Variants in DCHS2 observed in about 807,000 individuals in gnomAD.
The protein encoded by DCHS2 is dachsous cadherin-related 2, also known as protocadherin-23.
A neutral mutation model predicts 182.4 loss-of-function variants in DCHS2; 142 were observed. The observed-to-expected ratio is 0.78, with a 90% CI of 0.68 to 0.89. The LOEUF is 0.89. DCHS2 is among the 40% of genes least tolerant of loss of function. DCHS2 has a pLI of 0.00. For missense variants in DCHS2, 4,319 were observed against 4,198.6 expected (o/e 1.03, Z -0.79); for synonymous variants, 1,740 against 1,663.3 (o/e 1.05, Z -1.12).
At chr4:154,476,314 T>C (rs552859972) in intron 1 of DCHS2, among the ~76,000 whole-genome samples, 58 of 152,332 alleles carry the variant, frequency 3.8e-4, no homozygotes, top group African/African-American at 1.3e-3. Flanking sequence ...TCTGCTAATA[T>C]GCAAAATTCA....
chr4:154,384,223 A>C, intron 1 of DCHS2: 2 of 1,322,560 alleles, frequency 1.5e-6, no homozygotes, highest in South Asian at 3.0e-5. Context: ...CCAAGTTCCA[A>C]AGTCTAATGA....
chr4:154,236,384 A>AAAC lies in DCHS2; in HGVS notation c.8265_8267dup (p.Val2755_Phe2756insLeu). On this transcript the variant is annotated inframe_insertion, in exon 20 of 20. Transcript: ENST00000357232. ...GGTCGTTATCATCCAGGACACTGAC[A>AAAC]AACACAACTGCAAAAGAAAAATGTT... 1 of 1,614,094 alleles carries AAAC rather than the reference A, an allele frequency of 6.2e-7. No homozygotes were observed. The highest frequency in any genetic ancestry group is 1.3e-5 in the African/African-American group (1 of 75,054).
At chr4:154,359,713 A>T (rs1730029361) in intron 3 of DCHS2, among the ~76,000 whole-genome samples, 1 of 152,210 alleles carries the variant, frequency 6.6e-6, no homozygotes, top group Admixed American at 6.5e-5. Context: ...CTTAGCGACT[A>T]AGTAGTATTG....
At chr4:154,287,624 G>A (rs949762136) in intron 13 of DCHS2, among the ~76,000 whole-genome samples, 6 of 152,012 alleles carry the variant, frequency 3.9e-5, no homozygotes, top group African/African-American at 1.4e-4. Context: ...GAGATTACAG[G>A]TATGTGCACC....
intron 1 of DCHS2, among the ~76,000 whole-genome samples, chr4:154,432,365 G>A (rs1247728518): frequency 1.3e-5 from 2 of 152,126 alleles, no homozygotes; most frequent in Admixed American, 1.3e-4. Context: ...AAACTCAGTG[G>A]TGTGCTGGTT....
chr4:154,474,981 A>G (rs555044288), intron 1 of DCHS2, among the ~76,000 whole-genome samples: 1 of 152,274 alleles, frequency 6.6e-6, no homozygotes, highest in South Asian at 2.1e-4. Flanking sequence ...TTCCTAAGTT[A>G]TGAACCAGTA....
chr4:154,409,398 G>A (rs1014155803), intron 1 of DCHS2, among the ~76,000 whole-genome samples: 3 of 152,074 alleles, frequency 2.0e-5, no homozygotes, highest in African/African-American at 7.2e-5. Context: ...TGCCTTATTG[G>A]TTCTGGTTCC....
chr4:154,292,552 C>T (rs1015949416), intron 13 of DCHS2, among the ~76,000 whole-genome samples: 3 of 152,212 alleles, frequency 2.0e-5, no homozygotes, highest in Admixed American at 2.0e-4. Context: ...TCCTAAACTA[C>T]TTCAACAGAG....
At chr4:154,253,943 C>T (rs1732519623) in intron 16 of DCHS2, among the ~76,000 whole-genome samples, 1 of 152,138 alleles carries the variant, frequency 6.6e-6, no homozygotes, top group South Asian at 2.1e-4. Flanking sequence ...CTGTGTTTTC[C>T]TTAAACAGGA....
intron 10 of DCHS2, among the ~76,000 whole-genome samples, chr4:154,311,879 G>A (rs750012459): frequency 3.9e-5 from 6 of 152,202 alleles, no homozygotes; most frequent in Non-Finnish European, 8.8e-5. Flanking sequence ...TATATTAAAT[G>A]TATTAAGAAT....
At chr4:154,418,360 A>G (rs1277164693) in intron 1 of DCHS2, among the ~76,000 whole-genome samples, 3 of 152,190 alleles carry the variant, frequency 2.0e-5, no homozygotes, top group Non-Finnish European at 4.4e-5. Flanking sequence ...TAAAAACAGG[A>G]CACTACTTTT....
intron 1 of DCHS2, among the ~76,000 whole-genome samples, chr4:154,454,321 G>A (rs1734670402): frequency 6.6e-6 from 1 of 152,072 alleles, no homozygotes; most frequent in African/African-American, 2.4e-5. Context: ...ATAGCTCACT[G>A]CAGCCTCATA....
At position 154,259,506 on chromosome 4, in the gene DCHS2, A is replaced by C. The variant is rs372080346; in HGVS notation, c.6789+39T>G. ...CTCTCTCACACAGACACACCCACAC[A>C]CACACACACACACACACACACAAAT... On this transcript the variant is annotated intron_variant, in intron 15 of 19. Coordinates refer to ENST00000357232, the MANE Select transcript of DCHS2 (RefSeq NM_001358235.2). 1.8e-4 allele frequency: 269 copies of C among 1,520,686 alleles called. 1 individual carries two copies. The highest frequency in any genetic ancestry group is 7.5e-4 in the South Asian group (59 of 78,614). 94.2% of individuals were successfully genotyped at this position (1,520,686 alleles called of 1,614,324 possible).
At chr4:154,251,101 GA>G (rs1476534623) in intron 16 of DCHS2, among the ~76,000 whole-genome samples, 3 of 152,086 alleles carry the variant, frequency 2.0e-5, no homozygotes, top group Non-Finnish European at 4.4e-5. Context: ...TGTGTATTTT[GA>G]AAAAGATAAT....
chr4:154,413,571 G>C (rs768885153), intron 1 of DCHS2, among the ~76,000 whole-genome samples: 2 of 152,206 alleles, frequency 1.3e-5, no homozygotes, highest in African/African-American at 4.8e-5. Flanking sequence ...TGTCCCAGAA[G>C]GCTGACCTGT....
At chr4:154,478,988 C>CA (rs776182661) in intron 1 of DCHS2, among the ~76,000 whole-genome samples, 53 of 151,838 alleles carry the variant, frequency 3.5e-4, no homozygotes, top group Non-Finnish European at 6.0e-4. Flanking sequence ...ATTTACAAGA[C>CA]AAAAAACAAT....
intron 10 of DCHS2, among the ~76,000 whole-genome samples, chr4:154,309,611 C>T (rs528726879): frequency 7.9e-5 from 12 of 152,268 alleles, no homozygotes; most frequent in African/African-American, 2.9e-4. Context: ...TCTATTCTTC[C>T]TGACTAAACA....
chr4:154,334,927 A>G lies in DCHS2; in HGVS notation c.2654T>C (p.Val885Ala), dbSNP rs779940070. ...ACTATCTTCAGGCACATCTTCATAAACTAAGAAAGTGTACTTAGGCCTTTC... is the reference window on the plus strand; with the variant it reads ...ACTATCTTCAGGCACATCTTCATAAGCTAAGAAAGTGTACTTAGGCCTTTC... The part of the protein sequence containing the change: ...EFERPKYTFL[V>A]YEDVPEDSPI... The change falls in exon 4 of 20, where the codon GTT becomes GCT. Residue 885 changes from valine to alanine, a missense_variant. Val to Ala is a moderately conservative substitution (Grantham distance 64, BLOSUM62 0). Transcript: ENST00000357232. The G allele has an allele frequency of 1.2e-6, 2 of 1,614,196 alleles. No homozygotes were observed. The highest frequency in any genetic ancestry group is 2.2e-5 in the South Asian group (2 of 91,082).
chr4:154,328,322 A>G, intron 6 of DCHS2, 130 bp from the exon 7 acceptor site: 1 of 564,830 alleles, frequency 1.8e-6, no homozygotes, highest in Non-Finnish European at 3.0e-6. Context: ...TATAATTCAA[A>G]TGCATACCAT....
Sources: allele counts gnomAD v4.1 joint callset (sites outside exome capture counted in the v4.1 genomes callset), GRCh38; gene constraint gnomAD v4.1.1; transcripts MANE v1.5; gene names NCBI Gene and HGNC (gene_info 2026-07-23, HGNC 2026-07-21).